Variants in FGD5 observed in about 807,000 individuals in gnomAD.
FGD5 encodes the protein FYVE, RhoGEF and PH domain-containing protein 5.
Under a neutral mutation model 133.4 loss-of-function variants are expected in FGD5, and 28 were observed. That is an observed-to-expected ratio of 0.21 (90% confidence interval 0.16 to 0.29). FGD5 has a LOEUF of 0.29. Ranked by LOEUF, FGD5 falls within the 10% of genes least tolerant of loss-of-function variation. The pLI, the probability that FGD5 is intolerant of heterozygous loss-of-function variation, is 1.00. For missense variants in FGD5, 1,858 were observed against 1,895.2 expected (o/e 0.98, Z 0.36); for synonymous variants, 810 against 776.5 (o/e 1.04, Z -0.72).
chr3:14,925,970 T>C (rs1219366547), intron 17 of FGD5, 100 bp from the exon 18 acceptor site: 4 of 1,484,472 alleles, frequency 2.7e-6, no homozygotes, highest in Non-Finnish European at 2.7e-6. Flanking sequence ...GCAGTATAAG[T>C]AGTCAGCCAA....
rs1440558320 is a variant in FGD5 at position 14,820,499 on chromosome 3, G to T, written c.1428G>T (p.Lys476Asn). Residue 476 changes from lysine to asparagine, a missense_variant, in exon 1 of 20, where the codon AAG (lysine) becomes AAT (asparagine). Physicochemically the swap from Lys to Asn is moderately conservative, Grantham distance 94 (BLOSUM62 0). Coordinates refer to ENST00000285046, the MANE Select transcript of FGD5 (RefSeq NM_152536.4). ...GTGGCCTGGTTCCCGCGGACAGGAA[G>T]AACACCAGCACGAGGGTCCGGCCCC... is the stretch of plus-strand genomic sequence containing the variant. ...AEGGLVPADR[K>N]NTSTRVRPHS... The T allele has an allele frequency of 1.2e-6, 2 of 1,613,988 alleles. No individual in the cohort carries two copies. Among genetic ancestry groups the T allele is most frequent in the Non-Finnish European group, 1.7e-6 (2 of 1,179,884 alleles).
chr3:14,880,385 A>C (rs1162077667), intron 2 of FGD5, among the ~76,000 whole-genome samples, 187 bp from the exon 3 acceptor site: 1 of 152,220 alleles, frequency 6.6e-6, no homozygotes, highest in Admixed American at 6.5e-5. Context: ...AAAATAAAAT[A>C]AAATCCACAT....
At position 14,897,576 on chromosome 3, in the gene FGD5, G is replaced by A. The variant is rs756963147; in HGVS notation, c.2816G>A (p.Arg939Gln). ...CATGAAGGCAGAGACACATTGGCCC[G>A]GGAGGAGCTGAGGCAGGGCCTGAGT... Reference protein sequence around the residue: ...MDHEGRDTLAREELRQGLSEL... With the variant: ...MDHEGRDTLAQEELRQGLSEL... The change falls in exon 5 of 20, where the codon CGG becomes CAG. Residue 939 changes from arginine to glutamine, a missense_variant. Arg to Gln is a conservative substitution (Grantham distance 43). Transcript: ENST00000285046. 3.4e-5 allele frequency: 54 copies of A among 1,604,688 alleles called. No individual in the cohort carries two copies. Among genetic ancestry groups the A allele is most frequent in the African/African-American group, 1.9e-4 (14 of 74,774 alleles).
At chr3:14,815,184 T>C (rs2342881), upstream of FGD5, among the ~76,000 whole-genome samples, 28,364 of 152,052 alleles carry the variant, frequency 0.19, 3,491 homozygotes, top group East Asian at 0.42. Flanking sequence ...TATGATTCCT[T>C]TCGCCTCATC....
chr3:14,897,682 T>A lies in FGD5; in HGVS notation c.2909+13T>A. 6.3e-7 allele frequency: 1 copy of A among 1,591,384 alleles called. No homozygotes were observed. Among genetic ancestry groups the A allele is most frequent in the Non-Finnish European group, 8.6e-7 (1 of 1,169,514 alleles). On this transcript the variant is annotated intron_variant, in intron 5 of 19. Coordinates refer to ENST00000285046, the MANE Select transcript of FGD5 (RefSeq NM_152536.4). ...GGCTGTCAAATTGGTGAGCAGTCCC[T>A]GGACCCCCGGGTTCCACTTTTGTTG...
chr3:14,925,908 A>G (rs2038793967), intron 17 of FGD5, among the ~76,000 whole-genome samples, 162 bp from the exon 18 acceptor site: 2 of 152,214 alleles, frequency 1.3e-5, no homozygotes, highest in Admixed American at 6.5e-5. Flanking sequence ...ATGAAGCACT[A>G]TCTTGCTGAC....
At chr3:14,830,273 T>C (rs1332531542) in intron 1 of FGD5, among the ~76,000 whole-genome samples, 1 of 152,254 alleles carries the variant, frequency 6.6e-6, no homozygotes, top group East Asian at 1.9e-4. Flanking sequence ...GTGCTTCTTG[T>C]TGAAATTGAC....
At position 14,821,324 on chromosome 3, in the gene FGD5, G is replaced by A. The variant is rs534118749; in HGVS notation, c.2253G>A (p.Pro751=). The change falls in exon 1 of 20, where the codon CCG becomes CCA. Residue 751 remains proline (P), a synonymous_variant. Transcript: ENST00000285046. ...AGTCCTTTGAAGACCGCTCCCGGCC[G>A]CCCTTCCTGCCCTTGCCACTGACCA... The part of the protein sequence containing the change: ...RVESFEDRSR[P]PFLPLPLTKP... The A allele has an allele frequency of 1.4e-4, 232 of 1,613,924 alleles. 4 individuals are homozygous for A. In the South Asian group the frequency reaches 2.3e-3, roughly 16 times the overall value.
In FGD5 at chr3:14,820,499, G is replaced by A. The variant is rs1440558320; in HGVS notation, c.1428G>A (p.Lys476=). ...GTGGCCTGGTTCCCGCGGACAGGAA[G>A]AACACCAGCACGAGGGTCCGGCCCC... The part of the protein sequence containing the change: ...AEGGLVPADR[K]NTSTRVRPHS... The change falls in exon 1 of 20, where the codon AAG becomes AAA. Residue 476 remains lysine, a synonymous_variant. Transcript: ENST00000285046. 3 of 1,613,870 alleles carry A rather than the reference G, an allele frequency of 1.9e-6. No individual in the cohort carries two copies. Among genetic ancestry groups the A allele is most frequent in the African/African-American group, 1.3e-5 (1 of 74,920 alleles).
At chr3:14,915,103 A>G (rs2038526655) in intron 11 of FGD5, among the ~76,000 whole-genome samples, 1 of 152,184 alleles carries the variant, frequency 6.6e-6, no homozygotes, top group Admixed American at 6.5e-5. Flanking sequence ...CGGAGGCCTG[A>G]AGCATTCCAT....
At chr3:14,817,113 CATT>C (rs1208353645), upstream of FGD5, among the ~76,000 whole-genome samples, 5 of 152,104 alleles carry the variant, frequency 3.3e-5, no homozygotes, top group African/African-American at 4.8e-5. Flanking sequence ...TCAAACACCT[CATT>C]AATACATTTT....
chr3:14,845,153 A>AT (rs2037025598), intron 1 of FGD5, among the ~76,000 whole-genome samples: 1 of 152,162 alleles, frequency 6.6e-6, no homozygotes, highest in African/African-American at 2.4e-5. Flanking sequence ...CTAAAAAAAA[A>AT]GCCCTGATGC....
At chr3:14,850,108 C>T (rs1282541136) in intron 1 of FGD5, among the ~76,000 whole-genome samples, 2 of 152,206 alleles carry the variant, frequency 1.3e-5, no homozygotes, top group Non-Finnish European at 2.9e-5. Context: ...GCAGTGACTC[C>T]CCGGCCCTTC....
intron 1 of FGD5, among the ~76,000 whole-genome samples, chr3:14,854,649 G>A (rs2037241354): frequency 1.3e-5 from 2 of 151,954 alleles, no homozygotes; most frequent in African/African-American, 4.8e-5. Context: ...AAGACTCCTG[G>A]GCTCAGTCAA....
At chr3:14,918,271 G>T (rs1480442716) in intron 12 of FGD5, among the ~76,000 whole-genome samples, 2 of 152,244 alleles carry the variant, frequency 1.3e-5, no homozygotes, top group Admixed American at 6.5e-5. Flanking sequence ...GCCGCAGGCG[G>T]TTGTCATTGT....
intron 1 of FGD5, among the ~76,000 whole-genome samples, chr3:14,833,612 A>G (rs551836409): frequency 6.6e-6 from 1 of 152,250 alleles, no homozygotes; most frequent in East Asian, 1.9e-4. Flanking sequence ...GGCAGATAGC[A>G]TCCTGAGGAA....
At chr3:14,852,943 C>G (rs1214421325) in intron 1 of FGD5, among the ~76,000 whole-genome samples, 1 of 152,140 alleles carries the variant, frequency 6.6e-6, no homozygotes, top group Admixed American at 6.5e-5. Context: ...TTTCATATGT[C>G]TGGGTGTTTT....
chr3:14,932,757 T>C (rs369133360), intron 19 of FGD5, 26 bp downstream of exon 19: 26 of 1,602,620 alleles, frequency 1.6e-5, no homozygotes, highest in African/African-American at 5.4e-5. Context: ...ATTAGTCTTA[T>C]AGCTTTTTGT....
intron 2 of FGD5, among the ~76,000 whole-genome samples, chr3:14,879,318 C>T (rs536509150): frequency 6.4e-4 from 98 of 152,330 alleles, no homozygotes; most frequent in African/African-American, 2.2e-3. Flanking sequence ...TTCATCAGGC[C>T]GCCACAGCGT....
Sources: allele counts gnomAD v4.1 joint callset (sites outside exome capture counted in the v4.1 genomes callset), GRCh38; gene constraint gnomAD v4.1.1; transcripts MANE v1.5; gene names NCBI Gene and HGNC (gene_info 2026-07-23, HGNC 2026-07-21).